The following NOMO1 variants were observed in gnomAD, a reference collection of about 807,000 sequenced individuals.
The protein encoded by NOMO1 is NODAL modulator 1.
In NOMO1, 40 loss-of-function variants were observed where a neutral mutation model predicts 133.8. That is an observed-to-expected ratio of 0.30 (90% CI 0.23 to 0.39). The LOEUF is 0.39. NOMO1 is among the 10% of genes least tolerant of loss of function. The probability of loss-of-function intolerance (pLI) is 1.00; values close to 1 mark genes in which losing one functional copy is unlikely to be tolerated. For missense variants in NOMO1, 462 were observed against 1,419.9 expected (o/e 0.33, Z 10.84); for synonymous variants, 236 against 570.5 (o/e 0.41, Z 8.36).
At chr16:14,882,548 C>G in intron 25 of NOMO1, 46 bp from the exon 26 acceptor site, 2 of 1,611,332 alleles carry the variant, frequency 1.2e-6, no homozygotes, top group African/African-American at 2.7e-5. Flanking sequence ...AGGCACGATA[C>G]GACAAGCCCC....
intron 18 of NOMO1, 127 bp downstream of exon 18, chr16:14,872,456 C>T (rs1351973743): frequency 2.7e-6 from 1 of 370,722 alleles, no homozygotes; most frequent in Admixed American, 6.0e-5. Flanking sequence ...ATACAAATGG[C>T]CTTCCCTCTC....
chr16:14,841,914 C>A (rs1171350189), intron 3 of NOMO1, among the ~76,000 whole-genome samples: 3 of 151,720 alleles, frequency 2.0e-5, no homozygotes, highest in Non-Finnish European at 4.4e-5. Context: ...GTCAGCCTGG[C>A]TCCTCACTGT....
rs1342598677 is a variant in NOMO1 at position 14,857,089 on chromosome 16, C to A, written c.964-128C>A. 4 of 1,078,088 alleles carry A rather than the reference C, an allele frequency of 3.7e-6. No homozygotes were observed. In the Admixed American group the frequency reaches 5.9e-5, roughly 16 times the overall value. The allele number at this position is 1,078,088 out of a possible 1,614,324, so 66.8% of individuals were successfully genotyped here. A position where few individuals can be genotyped will look rare whatever the true frequency, so the allele number is the denominator to read the frequency against. On this transcript the variant is annotated intron_variant, in intron 9 of 30. Transcript: ENST00000287667. ...GCCTGGCTGGCACACAGGACCGGGG[C>A]ACTGAGTGTTGGGAGGTGGGCGGCA...
chr16:14,859,143 G>C (rs1245551207), intron 11 of NOMO1, among the ~76,000 whole-genome samples: 1 of 151,920 alleles, frequency 6.6e-6, no homozygotes, highest in Non-Finnish European at 1.5e-5. Flanking sequence ...GGTGGCCCAG[G>C]GGGGACCTAG....
intron 26 of NOMO1, among the ~76,000 whole-genome samples, chr16:14,883,653 C>T (rs572735507): frequency 1.3e-3 from 199 of 151,278 alleles, no homozygotes; most frequent in African/African-American, 4.4e-3. Context: ...TCCTTGACGT[C>T]TTTACGGTGT....
At position 14,892,394 on chromosome 16, in the gene NOMO1, A is replaced by G. The variant is rs2151013492; in HGVS notation, c.3445-2604A>G. On this transcript the variant is annotated intron_variant, in intron 29 of 30. Coordinates refer to ENST00000287667, the MANE Select transcript of NOMO1 (RefSeq NM_014287.4). ...TGACATTCTCAGGGGCCCCTAGCAG[A>G]CAACTCATCCGGGCTCAGGGACACA... 2.0e-5 allele frequency among the ~76,000 whole-genome samples: 3 copies of G among 151,762 alleles called. No homozygotes were observed. The South Asian group carries it at 6.3e-4, about 32-fold the overall frequency.
intron 26 of NOMO1, 107 bp from the exon 27 acceptor site, chr16:14,884,265 T>G (rs923644887): frequency 4.3e-5 from 65 of 1,517,586 alleles, no homozygotes; most frequent in Non-Finnish European, 5.9e-5. Context: ...TTCCTTAATG[T>G]AAGAAGCAAA....
intron 18 of NOMO1, 149 bp from the exon 19 acceptor site, chr16:14,874,887 C>G: frequency 1.5e-6 from 1 of 661,652 alleles, no homozygotes; most frequent in African/African-American, 1.8e-5. Flanking sequence ...TGTGAAACTA[C>G]TAGTTTATTT....
At chr16:14,885,964 G>C in intron 27 of NOMO1, among the ~76,000 whole-genome samples, 1 of 152,054 alleles carries the variant, frequency 6.6e-6, no homozygotes, top group Non-Finnish European at 1.5e-5. Context: ...TTCATTTTAG[G>C]AAAATTCCCC....
chr16:14,892,254 A>G (rs1964415486), intron 29 of NOMO1, among the ~76,000 whole-genome samples: 1 of 151,642 alleles, frequency 6.6e-6, no homozygotes, highest in Non-Finnish European at 1.5e-5. Context: ...AAAAAAAAAA[A>G]GAAAGTGCCA....
At chr16:14,840,907 C>T (rs1259307969) in intron 2 of NOMO1, among the ~76,000 whole-genome samples, 1 of 151,234 alleles carries the variant, frequency 6.6e-6, no homozygotes, top group East Asian at 1.9e-4. Context: ...CCTCAAGTGA[C>T]CCTCCTGCCT....
intron 29 of NOMO1, among the ~76,000 whole-genome samples, chr16:14,889,641 A>C (rs1964379540): frequency 6.6e-6 from 1 of 151,872 alleles, no homozygotes; most frequent in Non-Finnish European, 1.5e-5. Context: ...GCAGATATTT[A>C]AAGGGCTCCT....
intron 11 of NOMO1, among the ~76,000 whole-genome samples, chr16:14,857,951 T>A (rs1048007283): frequency 1.4e-5 from 1 of 73,546 alleles, no homozygotes; most frequent in Admixed American, 1.5e-4. Flanking sequence ...AATTTTTGTA[T>A]TTTTTAGTAG....
At chr16:14,858,496 C>T (rs929516461) in intron 11 of NOMO1, among the ~76,000 whole-genome samples, 1 of 151,496 alleles carries the variant, frequency 6.6e-6, no homozygotes, top group African/African-American at 2.4e-5. Flanking sequence ...CAGGTGCTCA[C>T]AAAACAGTAG....
intron 11 of NOMO1, chr16:14,862,252 A>T (rs1471866437): frequency 6.6e-6 from 1 of 152,052 alleles, no homozygotes; most frequent in African/African-American, 2.4e-5. Context: ...GTACTATTAC[A>T]CTTTAACACA....
chr16:14,861,825 ATCTT>A lies in NOMO1; in HGVS notation c.1221-1182_1221-1179del, dbSNP rs1458350759. 4.8e-5 allele frequency among the ~76,000 whole-genome samples: 5 copies of A among 103,824 alleles called. No individual in the cohort carries two copies. In the Admixed American group the frequency reaches 5.1e-4, roughly 11 times the overall value. The allele number at this position is 103,824 out of a possible 152,430, so 68.1% of individuals were successfully genotyped here. A position where few individuals can be genotyped will look rare whatever the true frequency, so the allele number is the denominator to read the frequency against. ...ATGTAATTTTTACATGTGAAATATT[ATCTT>A]TCTTTTGATTTTTTTTTTTTTAACT... On this transcript the variant is annotated intron_variant, in intron 11 of 30. Transcript: ENST00000287667.
At chr16:14,837,571 T>G (rs1963538002) in intron 1 of NOMO1, among the ~76,000 whole-genome samples, 1 of 151,586 alleles carries the variant, frequency 6.6e-6, no homozygotes, top group Non-Finnish European at 1.5e-5. Context: ...TAAATGTCTT[T>G]TTAGTCTCTT....
In NOMO1 at chr16:14,880,620, G is replaced by T. The variant is rs1159227587; in HGVS notation, c.2885+478G>T. On this transcript the variant is annotated intron_variant, in intron 24 of 30. Transcript: ENST00000287667. ...TGGTCTCGGACTCCTGATCTCAGAT[G>T]ATCTGCCTGCCTCGGTCTCCCAAAG... is the stretch of plus-strand genomic sequence containing the variant. Among the ~76,000 whole-genome samples, 8 of 151,990 alleles carry T rather than the reference G, an allele frequency of 5.3e-5. No individual in the cohort carries two copies. In the East Asian group the frequency reaches 1.4e-3, roughly 26 times the overall value.
Position 14,878,787 on chromosome 16 carries a change from T to A in NOMO1, c.2710T>A (p.Ser904Thr). 1 of 1,611,832 alleles carries A rather than the reference T, an allele frequency of 6.2e-7. No individual in the cohort carries two copies. Among genetic ancestry groups the A allele is most frequent in the South Asian group, 1.1e-5 (1 of 90,974 alleles). The change falls in exon 23 of 31, where the codon TCC becomes ACC. Residue 904 changes from serine to threonine, a missense_variant. By Grantham distance (58) the Ser-to-Thr change is moderately conservative. Coordinates refer to ENST00000287667, the MANE Select transcript of NOMO1 (RefSeq NM_014287.4). Reference sequence around the variant, plus strand: ...ATCCCTGAGCGGTGGCCTGTTTCGTTCCAACCTCTTGACCCAGGACAACGG... The same window carrying A: ...ATCCCTGAGCGGTGGCCTGTTTCGTACCAACCTCTTGACCCAGGACAACGG... ...LLSLSGGLFR[S>T]NLLTQDNGIL...
Sources: allele counts gnomAD v4.1 joint callset (sites outside exome capture counted in the v4.1 genomes callset), GRCh38; gene constraint gnomAD v4.1.1; transcripts MANE v1.5; gene names NCBI Gene and HGNC (gene_info 2026-07-23, HGNC 2026-07-21).